The following POLK variants were observed in gnomAD, a reference collection of about 807,000 sequenced individuals.
POLK encodes the protein DNA polymerase kappa.
Under a neutral mutation model 94.0 loss-of-function variants are expected in POLK, and 76 were observed. The observed-to-expected ratio is 0.81, with a 90% CI of 0.67 to 0.98. The LOEUF is 0.98. POLK is among the 50% of genes least tolerant of loss of function. The pLI, the probability that POLK is intolerant of heterozygous loss-of-function variation, is 0.00. For missense variants in POLK, 954 were observed against 1,010.1 expected (o/e 0.94, Z 0.75); for synonymous variants, 349 against 325.4 (o/e 1.07, Z -0.78).
intron 1 of POLK, among the ~76,000 whole-genome samples, chr5:75,532,100 CTTTTA>C (rs976327690): frequency 3.9e-5 from 6 of 152,040 alleles, no homozygotes; most frequent in Admixed American, 3.3e-4. Flanking sequence ...TGTTTTTTAA[CTTTTA>C]TTTTAGGTTC....
chr5:75,559,737 A>G lies in POLK; in HGVS notation c.255+7146A>G, dbSNP rs183592867. ...AAATTTTTCGTAGAGACAGGATCTC[A>G]CTATATTGCCCAGGCCAGTCTCAAA... On this transcript the variant is annotated intron_variant, in intron 3 of 14. Coordinates refer to ENST00000241436, the Ensembl canonical transcript of POLK. 2.1e-3 allele frequency among the ~76,000 whole-genome samples: 312 copies of G among 151,770 alleles called. 1 individual carries two copies. In the East Asian group the frequency reaches 0.027, roughly 13 times the overall value.
At chr5:75,545,660 G>C (rs1389676128) in intron 1 of POLK, among the ~76,000 whole-genome samples, 2 of 151,276 alleles carry the variant, frequency 1.3e-5, no homozygotes, top group Non-Finnish European at 2.9e-5. Flanking sequence ...TAACTTTCTA[G>C]GTTTTTTTTT....
the POLK span, chr5:75,608,940 T>C: frequency 1.3e-5 from 2 of 152,092 alleles, no homozygotes; most frequent in East Asian, 1.9e-4. Context: ...AACCTGATAT[T>C]TGAAACAGAG....
At chr5:75,535,988 A>C (rs1455424472) in intron 1 of POLK, among the ~76,000 whole-genome samples, 1 of 152,110 alleles carries the variant, frequency 6.6e-6, no homozygotes, top group African/African-American at 2.4e-5. Flanking sequence ...CCTGGGAACT[A>C]GTGTGGTCGT....
At chr5:75,570,298 C>A (rs987328162) in intron 4 of POLK, among the ~76,000 whole-genome samples, 2 of 152,016 alleles carry the variant, frequency 1.3e-5, no homozygotes, top group South Asian at 2.1e-4. Context: ...CATAAGTAAC[C>A]GTTCTAGTTA....
intron 4 of POLK, among the ~76,000 whole-genome samples, chr5:75,571,287 T>C (rs1328293007): frequency 6.6e-6 from 1 of 152,174 alleles, no homozygotes; most frequent in African/African-American, 2.4e-5. Context: ...AGTGATTGTT[T>C]GATTATTCCC....
intron 1 of POLK, among the ~76,000 whole-genome samples, chr5:75,540,582 A>G (rs1769685873): frequency 6.6e-6 from 1 of 152,112 alleles, no homozygotes; most frequent in African/African-American, 2.4e-5. Flanking sequence ...CACAACCCTG[A>G]GCCACTGCCC....
At chr5:75,551,340 G>T (rs1038137129) in intron 2 of POLK, among the ~76,000 whole-genome samples, 4 of 151,848 alleles carry the variant, frequency 2.6e-5, no homozygotes, top group Admixed American at 2.6e-4. Flanking sequence ...ACTTTGGAAG[G>T]CTGAGGTAGG....
At chr5:75,584,783 A>G (rs5744683) in exon 9 of POLK, 66 of 1,557,562 alleles carry the variant, frequency 4.2e-5, no homozygotes, top group South Asian at 3.6e-4. Flanking sequence ...GAAAAGTTAC[A>G]GAGAAAATGT....
chr5:75,593,930 G>A (rs773105464), exon 12 of POLK: 19 of 1,606,466 alleles, frequency 1.2e-5, no homozygotes, highest in Middle Eastern at 1.6e-4. Flanking sequence ...GTAAAAACTC[G>A]TGCATCTACA....
chr5:75,576,849 A>G, exon 6 of POLK: 1 of 1,566,924 alleles, frequency 6.4e-7, no homozygotes, highest in Non-Finnish European at 8.7e-7. Flanking sequence ...CTACTTGAAT[A>G]TAACAAAGCA....
chr5:75,521,648 G>A (rs1214595146), intron 1 of POLK, among the ~76,000 whole-genome samples: 1 of 152,022 alleles, frequency 6.6e-6, no homozygotes, highest in East Asian at 1.9e-4. Context: ...TGTTTCTTTT[G>A]GATGTACATC....
At chr5:75,527,232 T>A (rs1231462559) in intron 1 of POLK, among the ~76,000 whole-genome samples, 1 of 152,054 alleles carries the variant, frequency 6.6e-6, no homozygotes, top group African/African-American at 2.4e-5. Flanking sequence ...GATGTAGTTT[T>A]GGCAAGGTGC....
intron 1 of POLK, among the ~76,000 whole-genome samples, chr5:75,527,574 T>G (rs1768932999): frequency 6.6e-6 from 1 of 151,742 alleles, no homozygotes; most frequent in Non-Finnish European, 1.5e-5. Context: ...TATATACATG[T>G]GTATGTGTGT....
At chr5:75,540,232 A>G (rs1769668787) in intron 1 of POLK, among the ~76,000 whole-genome samples, 1 of 151,704 alleles carries the variant, frequency 6.6e-6, no homozygotes, top group East Asian at 1.9e-4. Context: ...ACAGTATCTC[A>G]ATTTCTTATT....
chr5:75,601,663 A>C (rs186813861), downstream of POLK, among the ~76,000 whole-genome samples: 4 of 152,148 alleles, frequency 2.6e-5, no homozygotes, highest in Admixed American at 2.6e-4. Flanking sequence ...ATCAGACTCC[A>C]AGTTCTTCAG....
chr5:75,597,149 A>G (rs1263104865), exon 13 of POLK: 2 of 1,602,306 alleles, frequency 1.2e-6, no homozygotes, highest in Non-Finnish European at 1.7e-6. Flanking sequence ...AACCCAGTTA[A>G]TCAACCCAAA....
At position 75,569,446 on chromosome 5, in the gene POLK, C is replaced by G. The variant is rs751839381; in HGVS notation, c.362C>G (p.Pro121Arg). 10 of 1,613,444 alleles carry G rather than the reference C, an allele frequency of 6.2e-6. No homozygotes were observed. In the South Asian group the frequency reaches 1.1e-4, roughly 18 times the overall value. ...GCAGCTGTAGAAATGAGGGACAATC[C>G]AGAATTGAAGGATAAACCCATTGCT... Residue 121 changes from proline to arginine, a missense_variant, in exon 4 of 15, where the codon CCA (proline) becomes CGA (arginine). Pro to Arg is a moderately radical substitution (Grantham distance 103, BLOSUM62 -2). Transcript: ENST00000241436.
chr5:75,565,645 A>C (rs1771226583), intron 3 of POLK, among the ~76,000 whole-genome samples: 2 of 152,090 alleles, frequency 1.3e-5, no homozygotes, highest in Admixed American at 1.3e-4. Flanking sequence ...CCCTCTTCTG[A>C]AGTTCTGCTG....
Sources: gnomAD v4.1 joint callset for allele counts (sites outside exome capture counted in the v4.1 genomes callset) on GRCh38, gnomAD v4.1.1 for gene constraint, MANE v1.5 for transcripts, NCBI Gene and HGNC (gene_info 2026-07-23, HGNC 2026-07-21) for gene names.